The following AKIRIN2 variants were observed in gnomAD, a reference collection of about 807,000 sequenced individuals.
AKIRIN2 encodes akirin-2.
Under a neutral mutation model 29.3 loss-of-function variants are expected in AKIRIN2, and 6 were observed. That is an observed-to-expected ratio of 0.20 (90% CI 0.11 to 0.40). AKIRIN2 has a LOEUF of 0.40. Ranked by LOEUF, AKIRIN2 falls within the 10% of genes least tolerant of loss-of-function variation. AKIRIN2 has a pLI of 1.00. For synonymous variants in AKIRIN2, 128 were observed against 117.5 expected, an observed-to-expected ratio of 1.09 and a Z score of -0.58; for missense variants, 210 against 276.1, an observed-to-expected ratio of 0.76 and a Z score of 1.70.
chr6:87,694,751 T>C (rs1446761994), intron 1 of AKIRIN2, among the ~76,000 whole-genome samples: 1 of 152,166 alleles, frequency 6.6e-6, no homozygotes, highest in Non-Finnish European at 1.5e-5. Context: ...TAAAAGTATA[T>C]TATTATGAGC....
intron 1 of AKIRIN2, among the ~76,000 whole-genome samples, chr6:87,692,710 G>A (rs1771295194): frequency 6.6e-6 from 1 of 152,196 alleles, no homozygotes; most frequent in East Asian, 1.9e-4. Context: ...TACTCAGAAG[G>A]CTAAGGCAGG....
intron 1 of AKIRIN2, among the ~76,000 whole-genome samples, chr6:87,696,260 T>C (rs1771360452): frequency 6.6e-6 from 1 of 152,160 alleles, no homozygotes; most frequent in African/African-American, 2.4e-5. Context: ...GAAATTTATA[T>C]TATTCTCCTT....
chr6:87,690,847 C>A (rs192166071), intron 1 of AKIRIN2, among the ~76,000 whole-genome samples: 10 of 151,920 alleles, frequency 6.6e-5, no homozygotes, highest in African/African-American at 1.9e-4. Context: ...ATGGCGGGCA[C>A]CTGTAATCCC....
intron 3 of AKIRIN2, among the ~76,000 whole-genome samples, chr6:87,676,415 A>G (rs1212539345): frequency 3.4e-4 from 46 of 136,766 alleles, no homozygotes; most frequent in African/African-American, 1.2e-3. Flanking sequence ...GCAGTGAGCC[A>G]AGAACGCGCC....
Position 87,677,954 on chromosome 6 carries a change from T to C in AKIRIN2, c.393A>G (p.Ala131=), listed in dbSNP as rs1562396295. ...SGPASPGTSS[A]ASSPLKKEQP... The stretch of plus-strand genomic sequence containing the variant: ...GTTCTTTTTTTAATGGTGAGGATGC[T>C]GCAGATGAAGTCCCTATGTACAATG... Residue 131 remains alanine (A), a synonymous_variant, in exon 3 of 5, where the codon GCA becomes GCG. Transcript: ENST00000257787. The C allele has an allele frequency of 1.2e-6, 2 of 1,613,832 alleles. No individual in the cohort carries two copies. Among genetic ancestry groups the C allele is most frequent in the Non-Finnish European group, 1.7e-6 (2 of 1,179,920 alleles).
chr6:87,702,046 T>G lies in AKIRIN2; in HGVS notation c.-362A>C. On this transcript the variant is annotated 5_prime_UTR_variant, in exon 1 of 5. Transcript: ENST00000257787. ...CGCCGCGCCTGAGGCGCTTCTGTGC[T>G]GAGACTAGATCCTTTCTGAAGTCGA... The G allele has an allele frequency of 2.5e-6, 1 of 402,302 alleles. No homozygotes were observed. Among genetic ancestry groups the G allele is most frequent in the East Asian group, 3.6e-5 (1 of 28,054 alleles). 24.9% of individuals were successfully genotyped at this position (402,302 alleles called of 1,614,324 possible).
At chr6:87,687,723 T>G (rs534681203) in intron 1 of AKIRIN2, among the ~76,000 whole-genome samples, 186 of 152,324 alleles carry the variant, frequency 1.2e-3, no homozygotes, top group Non-Finnish European at 2.0e-3. Flanking sequence ...TGCAGGTAAA[T>G]GTAAGTTTTA....
At chr6:87,689,231 G>A (rs1562399291) in intron 1 of AKIRIN2, among the ~76,000 whole-genome samples, 1 of 152,176 alleles carries the variant, frequency 6.6e-6, no homozygotes, top group Non-Finnish European at 1.5e-5. Context: ...GCCAGGCGCG[G>A]TGGCTCATGT....
intron 1 of AKIRIN2, among the ~76,000 whole-genome samples, chr6:87,693,900 A>G (rs769589046): frequency 1.3e-5 from 2 of 152,192 alleles, no homozygotes; most frequent in Non-Finnish European, 2.9e-5. Context: ...AAAATCTTCT[A>G]TACTTTAAAT....
intron 1 of AKIRIN2, among the ~76,000 whole-genome samples, chr6:87,692,598 G>A (rs1052975959): frequency 1.3e-5 from 2 of 152,112 alleles, no homozygotes; most frequent in Non-Finnish European, 2.9e-5. Context: ...GATCACCTGA[G>A]GTCAGGAGTT....
At position 87,677,850 on chromosome 6, in the gene AKIRIN2, T is replaced by C; in HGVS notation, c.497A>G (p.Glu166Gly). 1 of 1,614,128 alleles carries C rather than the reference T, an allele frequency of 6.2e-7. No homozygotes were observed. The highest frequency in any genetic ancestry group is 8.5e-7 in the Non-Finnish European group (1 of 1,180,008). The change falls in exon 3 of 5, where the codon GAA becomes GGA. Residue 166 changes from glutamate (E) to glycine (G), a missense_variant. Coordinates refer to ENST00000257787, the MANE Select transcript of AKIRIN2 (RefSeq NM_018064.4). ...LKEREEKVRE[E>G]YEEILNTKLA... ...TTTTGTGTTCAATATTTCTTCATATTCTTCTCGAACTTTCTCTTCACGTTC... is the reference window on the plus strand; with the variant it reads ...TTTTGTGTTCAATATTTCTTCATATCCTTCTCGAACTTTCTCTTCACGTTC...
Position 87,701,567 on chromosome 6 carries a change from G to C in AKIRIN2, c.118C>G (p.Pro40Ala), listed in dbSNP as rs1005821972. The C allele has an allele frequency of 2.0e-5, 28 of 1,414,338 alleles. No individual in the cohort carries two copies. Among genetic ancestry groups the C allele is most frequent in the Non-Finnish European group, 2.4e-5 (26 of 1,085,324 alleles). 87.6% of individuals were successfully genotyped at this position (1,414,338 alleles called of 1,614,324 possible). The change falls in exon 1 of 5, where the codon CCG becomes GCG. Residue 40 changes from proline to alanine, a missense_variant. By Grantham distance (27) the Pro-to-Ala change is conservative (BLOSUM62 -1). Transcript: ENST00000257787. ...GCGGTGGCCGCGGCCGCCGACAACGGGGAGGCAGCGGCCGAGGTGGGCGCC... is the reference window on the plus strand; with the variant it reads ...GCGGTGGCCGCGGCCGCCGACAACGCGGAGGCAGCGGCCGAGGTGGGCGCC... Reference protein sequence around the residue: ...LSAPTSAAASPLSAAAATAAS... With the variant: ...LSAPTSAAASALSAAAATAAS...
intron 1 of AKIRIN2, among the ~76,000 whole-genome samples, chr6:87,696,168 T>G (rs1048456952): frequency 6.6e-5 from 10 of 151,868 alleles, no homozygotes; most frequent in African/African-American, 2.4e-4. Flanking sequence ...AGAGCAAGAC[T>G]GTCTCAGAAA....
rs1562402895 is a variant in AKIRIN2, at chr6:87,702,133, A to G, written c.-449T>C. 1.0e-5 allele frequency: 4 copies of G among 398,886 alleles called. No individual in the cohort carries two copies. The highest frequency in any genetic ancestry group is 1.8e-5 in the Non-Finnish European group (4 of 226,198). The allele number at this position is 398,886 out of a possible 1,614,324, so 24.7% of individuals were successfully genotyped here. On this transcript the variant is annotated 5_prime_UTR_variant, in exon 1 of 5. Transcript: ENST00000257787. ...CCTAATACGCCCGAGTACGGTCAGT[A>G]GCTTGCGAGCGGCGATCGATGCAGA... is the stretch of plus-strand genomic sequence containing the variant.
intron 3 of AKIRIN2, among the ~76,000 whole-genome samples, chr6:87,677,080 GAAAAAAAAAAAA>G (rs552579299): frequency 2.5e-4 from 28 of 112,678 alleles, no homozygotes; most frequent in Non-Finnish European, 4.0e-4. Flanking sequence ...TCCGTCTCAG[GAAAAAAAAAAAA>G]AAAAATTAAA....
intron 2 of AKIRIN2, among the ~76,000 whole-genome samples, chr6:87,681,378 A>G (rs1024607071): frequency 1.3e-5 from 2 of 152,164 alleles, no homozygotes; most frequent in Non-Finnish European, 2.9e-5. Context: ...TACAAATCAT[A>G]GTACTTACAG....
chr6:87,681,139 G>C (rs1284974460), intron 2 of AKIRIN2, among the ~76,000 whole-genome samples: 1 of 152,128 alleles, frequency 6.6e-6, no homozygotes, highest in East Asian at 1.9e-4. Context: ...CTGGGTTCAA[G>C]TGATTCTCAT....
At chr6:87,678,024 T>C (rs1771052981) in intron 2 of AKIRIN2, 57 bp from the exon 3 acceptor site, 1 of 1,481,760 alleles carries the variant, frequency 6.7e-7, no homozygotes, top group Non-Finnish European at 9.1e-7. Context: ...TATAAAGCAG[T>C]TTCTAAATGA....
intron 1 of AKIRIN2, among the ~76,000 whole-genome samples, chr6:87,688,139 G>A (rs564067913): frequency 6.6e-6 from 1 of 151,970 alleles, no homozygotes; most frequent in Non-Finnish European, 1.5e-5. Flanking sequence ...TTTTTTTCTT[G>A]TTTTTGTGGG....
Sources: allele counts gnomAD v4.1 joint callset (sites outside exome capture counted in the v4.1 genomes callset), GRCh38; gene constraint gnomAD v4.1.1; transcripts MANE v1.5; gene names NCBI Gene and HGNC (gene_info 2026-07-23, HGNC 2026-07-21).